MALT1: variants seen among roughly 807,000 people sequenced by gnomAD.
MALT1 encodes mucosa-associated lymphoid tissue lymphoma translocation protein 1.
In MALT1, 36 loss-of-function variants were observed where a neutral mutation model predicts 85.5. The observed-to-expected ratio is 0.42, with a 90% CI of 0.32 to 0.56. MALT1 has a LOEUF of 0.56. MALT1 is among the 20% of genes least tolerant of loss of function. The pLI is 0.10. For missense variants in MALT1, 716 were observed against 981.6 expected (o/e 0.73, Z 3.62); for synonymous variants, 359 against 361.3 (o/e 0.99, Z 0.07).
intron 4 of MALT1, among the ~76,000 whole-genome samples, chr18:58,701,615 C>T (rs2054673956): frequency 6.6e-6 from 1 of 152,168 alleles, no homozygotes; most frequent in African/African-American, 2.4e-5. Flanking sequence ...TGAGGCACAG[C>T]CTTGGGCTTC....
chr18:58,737,902 G>A (rs999225360), intron 13 of MALT1, among the ~76,000 whole-genome samples: 2 of 152,148 alleles, frequency 1.3e-5, no homozygotes, highest in African/African-American at 2.4e-5. Context: ...AATTTCAACT[G>A]TGTGCAAGGA....
At chr18:58,718,705 T>C (rs149905017) in intron 9 of MALT1, among the ~76,000 whole-genome samples, 39 of 152,308 alleles carry the variant, frequency 2.6e-4, no homozygotes, top group African/African-American at 9.1e-4. Context: ...CTTTGGATAC[T>C]AATAGGAGGC....
intron 10 of MALT1, among the ~76,000 whole-genome samples, chr18:58,726,345 A>ACACTAAAT: frequency 6.6e-6 from 1 of 152,334 alleles, no homozygotes; most frequent in African/African-American, 2.4e-5. Flanking sequence ...TAAGTGTGGT[A>ACACTAAAT]GAGGCTTGAG....
intron 9 of MALT1, among the ~76,000 whole-genome samples, chr18:58,722,670 C>T (rs1602322599): frequency 6.6e-6 from 1 of 152,288 alleles, no homozygotes; most frequent in East Asian, 1.9e-4. Flanking sequence ...TTGATGGGAA[C>T]CCAATTTCAA....
chr18:58,705,326 T>TG (rs1568136492), intron 4 of MALT1, among the ~76,000 whole-genome samples: 1 of 106,868 alleles, frequency 9.4e-6, no homozygotes, highest in African/African-American at 3.4e-5. Context: ...GTGTGTGTAT[T>TG]TATTTTTATT....
intron 1 of MALT1, 45 bp from the exon 2 acceptor site, chr18:58,681,125 A>G: frequency 6.3e-7 from 1 of 1,586,974 alleles, no homozygotes; most frequent in Non-Finnish European, 8.6e-7. Context: ...CAGGTGTATC[A>G]TGTGGAAGAA....
At chr18:58,696,240 G>A (rs2054585298) in intron 2 of MALT1, 126 bp from the exon 3 acceptor site, 6 of 731,924 alleles carry the variant, frequency 8.2e-6, no homozygotes, top group Non-Finnish European at 1.2e-5. Flanking sequence ...ATGTGAATGA[G>A]TGATTTATGA....
chr18:58,683,530 A>G (rs1235324428), intron 2 of MALT1, among the ~76,000 whole-genome samples: 1 of 152,222 alleles, frequency 6.6e-6, no homozygotes, highest in Non-Finnish European at 1.5e-5. Context: ...TAAGTTTCCC[A>G]TATGTGAAAC....
intron 4 of MALT1, among the ~76,000 whole-genome samples, chr18:58,702,726 C>G (rs1420823372): frequency 6.6e-6 from 1 of 152,202 alleles, no homozygotes; most frequent in Non-Finnish European, 1.5e-5. Flanking sequence ...GAAAAAAACT[C>G]TAGCGTTGAT....
rs1161641839 is a variant in MALT1, at chr18:58,709,973, T to C, written c.829-3T>C. ...GCATTTACATGTTCTAATATTGATATAGGTGCCTTATGTGGATTTGGAACA... is the reference window on the plus strand; with the variant it reads ...GCATTTACATGTTCTAATATTGATACAGGTGCCTTATGTGGATTTGGAACA... On this transcript the variant is annotated splice_region_variant and splice_polypyrimidine_tract_variant and intron_variant, in intron 5 of 16. Transcript: ENST00000649217. 6 of 1,580,770 alleles carry C rather than the reference T, an allele frequency of 3.8e-6. No individual in the cohort carries two copies. Among genetic ancestry groups the C allele is most frequent in the South Asian group, 3.4e-5 (3 of 89,070 alleles).
At chr18:58,740,645 C>T (rs2055289223) in intron 13 of MALT1, among the ~76,000 whole-genome samples, 1 of 151,896 alleles carries the variant, frequency 6.6e-6, no homozygotes, top group Non-Finnish European at 1.5e-5. Context: ...AATTGCTATG[C>T]TTTGAAATTT....
Position 58,747,389 on chromosome 18 carries a change from T to C in MALT1, c.2038-16T>C. 6.4e-7 allele frequency: 1 copy of C among 1,561,852 alleles called. No individual in the cohort carries two copies. The highest frequency in any genetic ancestry group is 8.8e-7 in the Non-Finnish European group (1 of 1,141,198). ...CTGTTGATGCCAATAATAAACCAGA[T>C]TTTTTTCCTTTTCAGGAACATCTAG... On this transcript the variant is annotated splice_polypyrimidine_tract_variant and intron_variant, in intron 16 of 16. Transcript: ENST00000649217.
At chr18:58,719,191 G>A (rs1379732048) in intron 9 of MALT1, among the ~76,000 whole-genome samples, 2 of 152,136 alleles carry the variant, frequency 1.3e-5, no homozygotes, top group Non-Finnish European at 2.9e-5. Flanking sequence ...GGTCTTTCTT[G>A]GGGTCTCTCA....
At chr18:58,680,118 T>C (rs1034664055) in intron 1 of MALT1, among the ~76,000 whole-genome samples, 3 of 152,222 alleles carry the variant, frequency 2.0e-5, no homozygotes, top group Non-Finnish European at 4.4e-5. Flanking sequence ...AGCTCTACTG[T>C]CTTACCCTCT....
At chr18:58,729,758 C>T (rs1307526339) in intron 10 of MALT1, among the ~76,000 whole-genome samples, 3 of 152,156 alleles carry the variant, frequency 2.0e-5, no homozygotes, top group African/African-American at 7.2e-5. Flanking sequence ...CCAAAACACT[C>T]CTGGTCCCAA....
intron 16 of MALT1, among the ~76,000 whole-genome samples, chr18:58,746,409 A>AT (rs1237235411): frequency 2.6e-5 from 4 of 152,088 alleles, no homozygotes; most frequent in South Asian, 4.2e-4. Flanking sequence ...TTTTTTTTCC[A>AT]TTTTTTTATT....
chr18:58,671,776 C>T lies in MALT1; in HGVS notation c.133C>T (p.Leu45=). 8.0e-7 allele frequency: 1 copy of T among 1,255,616 alleles called. No individual in the cohort carries two copies. 77.8% of individuals were successfully genotyped at this position (1,255,616 alleles called of 1,614,324 possible). A position where few individuals can be genotyped will look rare whatever the true frequency, so the allele number is the denominator to read the frequency against. ...GCTGCTGCGGAGGCTCAGCGAGCTC[C>T]TGGATCAGGCGCCCGAGGGCCGGGG... is the stretch of plus-strand genomic sequence containing the variant. ...EPLLRRLSEL[L]DQAPEGRGWR... is the part of the protein sequence containing the mutation. Residue 45 remains leucine (L), a synonymous_variant, in exon 1 of 17, where the codon CTG becomes TTG. Coordinates refer to ENST00000649217, the MANE Select transcript of MALT1 (RefSeq NM_006785.4).
intron 3 of MALT1, among the ~76,000 whole-genome samples, chr18:58,698,213 C>T (rs1299341835): frequency 1.3e-5 from 2 of 151,646 alleles, no homozygotes; most frequent in Non-Finnish European, 2.9e-5. Context: ...ATTACAGGCG[C>T]GCATCACCAC....
intron 10 of MALT1, among the ~76,000 whole-genome samples, chr18:58,729,734 T>C (rs1018592574): frequency 6.6e-6 from 1 of 152,190 alleles, no homozygotes; most frequent in African/African-American, 2.4e-5. Flanking sequence ...ATCTCTAATC[T>C]GAAAATCCCA....
Sources: allele counts gnomAD v4.1 joint callset (sites outside exome capture counted in the v4.1 genomes callset), GRCh38; gene constraint gnomAD v4.1.1; transcripts MANE v1.5; gene names NCBI Gene and HGNC (gene_info 2026-07-23, HGNC 2026-07-21).